The following STX8 variants were observed in gnomAD, a reference collection of about 807,000 sequenced individuals.
STX8 encodes the protein syntaxin 8.
Under a neutral mutation model 37.5 loss-of-function variants are expected in STX8, and 23 were observed. That is an observed-to-expected ratio of 0.61 (90% CI 0.44 to 0.87). STX8 has a LOEUF of 0.87. Among genes scored for constraint, STX8 ranks in the 40% least tolerant of loss-of-function variants. STX8 has a pLI of 0.00. For synonymous variants in STX8, 115 were observed against 99.1 expected, an observed-to-expected ratio of 1.16 and a Z score of -0.95; for missense variants, 313 against 284.7, an observed-to-expected ratio of 1.10 and a Z score of -0.71.
chr17:9,298,133 T>C (rs28548001), intron 7 of STX8, among the ~76,000 whole-genome samples: 85,061 of 151,960 alleles, frequency 0.56, 24,051 homozygotes, highest in East Asian at 0.7. Context: ...CCATTTAAAA[T>C]GGAAATGTCA....
chr17:9,372,482 T>C (rs184833806), intron 7 of STX8, among the ~76,000 whole-genome samples: 116 of 152,160 alleles, frequency 7.6e-4, no homozygotes, highest in Non-Finnish European at 1.2e-3. Flanking sequence ...TTTTTATTTA[T>C]TAATTTTTTT....
intron 6 of STX8, among the ~76,000 whole-genome samples, chr17:9,411,037 G>C (rs1474127420): frequency 1.3e-5 from 2 of 152,146 alleles, no homozygotes; most frequent in African/African-American, 2.4e-5. Flanking sequence ...AACAACCACT[G>C]CAAAGTCCAT....
intron 1 of STX8, among the ~76,000 whole-genome samples, chr17:9,572,140 A>G (rs1247817849): frequency 1.3e-5 from 2 of 152,224 alleles, no homozygotes; most frequent in Admixed American, 1.3e-4. Context: ...TTAAGGTTTA[A>G]CTGTAATTTT....
chr17:9,557,019 G>A (rs991090580), intron 3 of STX8: 8 of 164,898 alleles, frequency 4.9e-5, no homozygotes, highest in East Asian at 4.5e-4. Context: ...TGCCCACTCC[G>A]AAAATAAATG....
intron 6 of STX8, among the ~76,000 whole-genome samples, chr17:9,388,480 C>T (rs1912092524): frequency 6.6e-6 from 1 of 151,820 alleles, no homozygotes; most frequent in Non-Finnish European, 1.5e-5. Context: ...CAGTGTAATT[C>T]CCCCATGTGT....
chr17:9,327,173 A>AGAAGAAGAAG (rs1199331969), intron 7 of STX8, among the ~76,000 whole-genome samples: 4 of 149,936 alleles, frequency 2.7e-5, no homozygotes, highest in East Asian at 3.9e-4. Flanking sequence ...AAAAAAAAGA[A>AGAAGAAGAAG]GAAGAAGAAG....
At chr17:9,362,828 C>CAAAAAAAAAAAAAAAAAAAA (rs765809132) in intron 7 of STX8, among the ~76,000 whole-genome samples, 1 of 102,172 alleles carries the variant, frequency 9.8e-6, no homozygotes, top group African/African-American at 4.7e-5. Flanking sequence ...GACTCCGTCT[C>CAAAAAAAAAAAAAAAAAAAA]AAAAAAAAAA....
chr17:9,545,839 C>A (rs1884300561), intron 3 of STX8, among the ~76,000 whole-genome samples: 1 of 152,188 alleles, frequency 6.6e-6, no homozygotes, highest in South Asian at 2.1e-4. Context: ...CCTTGGCCTC[C>A]CAAAGTGCTG....
At chr17:9,290,900 C>T (rs967208713) in intron 7 of STX8, among the ~76,000 whole-genome samples, 6 of 152,110 alleles carry the variant, frequency 3.9e-5, no homozygotes, top group Non-Finnish European at 8.8e-5. Context: ...GTCTAATGTC[C>T]TCTGCTGAAA....
chr17:9,336,077 T>C (rs1487666980), intron 7 of STX8, among the ~76,000 whole-genome samples: 2 of 152,206 alleles, frequency 1.3e-5, no homozygotes, highest in Non-Finnish European at 1.5e-5. Context: ...TTACTTTGAA[T>C]AGGCGAAACA....
intron 6 of STX8, among the ~76,000 whole-genome samples, chr17:9,390,395 G>A (rs1912172347): frequency 6.6e-6 from 1 of 151,946 alleles, no homozygotes; most frequent in South Asian, 2.1e-4. Context: ...GGTGGTGGTT[G>A]TCTGTAATCC....
chr17:9,556,883 C>A (rs1268431171), intron 3 of STX8: 1 of 150,224 alleles, frequency 6.7e-6, no homozygotes, highest in Non-Finnish European at 1.5e-5. Flanking sequence ...CCATCCCACC[C>A]CTTCCCCTCA....
At chr17:9,270,475 T>C (rs2142138553) in intron 7 of STX8, among the ~76,000 whole-genome samples, 1 of 152,172 alleles carries the variant, frequency 6.6e-6, no homozygotes, top group South Asian at 2.1e-4. Context: ...AGGAATGGTC[T>C]GATCTCCTGA....
intron 6 of STX8, among the ~76,000 whole-genome samples, chr17:9,418,848 G>A (rs1367693613): frequency 1.4e-5 from 2 of 137,960 alleles, no homozygotes; most frequent in East Asian, 4.9e-4. Flanking sequence ...AAGGGGGGGG[G>A]GAAGGGGGAG....
At chr17:9,503,327 G>A (rs757213423) in intron 5 of STX8, among the ~76,000 whole-genome samples, 5 of 152,038 alleles carry the variant, frequency 3.3e-5, no homozygotes, top group Non-Finnish European at 5.9e-5. Flanking sequence ...GGAACAATAG[G>A]AAGAATTACA....
rs182535001 is a variant in STX8 at position 9,257,162 on chromosome 17, T to C, written c.644-6517A>G. On this transcript the variant is annotated intron_variant, in intron 7 of 7. Coordinates refer to ENST00000306357, the MANE Select transcript of STX8 (RefSeq NM_004853.3). ...CCAGGGTTACAAGAGTGGAAAAAAA[T>C]GTCCATTTCCTTTGGTCAGTTTACC... Among the ~76,000 whole-genome samples the C allele has an allele frequency of 9.2e-5, 14 of 152,224 alleles. No individual in the cohort carries two copies. The East Asian group carries it at 2.5e-3, about 27-fold the overall frequency.
intron 6 of STX8, among the ~76,000 whole-genome samples, chr17:9,400,212 C>T (rs8072241): frequency 0.08 from 12,062 of 150,986 alleles, 728 homozygotes; most frequent in East Asian, 0.31. Flanking sequence ...ATGCCATTCT[C>T]CTGCCTCAGC....
intron 6 of STX8, among the ~76,000 whole-genome samples, chr17:9,483,102 GC>G (rs1245221791): frequency 6.6e-6 from 1 of 152,002 alleles, no homozygotes; most frequent in Non-Finnish European, 1.5e-5. Context: ...ACACTGAGTA[GC>G]CTGGAACAAT....
intron 7 of STX8, among the ~76,000 whole-genome samples, chr17:9,262,079 A>G (rs527993603): frequency 9.8e-5 from 15 of 152,334 alleles, no homozygotes; most frequent in African/African-American, 3.6e-4. Context: ...CCAAAGTTCT[A>G]CAAAGGCAGG....
Sources: gnomAD v4.1 joint callset for allele counts (sites outside exome capture counted in the v4.1 genomes callset) on GRCh38, gnomAD v4.1.1 for gene constraint, MANE v1.5 for transcripts, NCBI Gene and HGNC (gene_info 2026-07-23, HGNC 2026-07-21) for gene names.